Variants in MAGI2 observed in about 807,000 individuals in gnomAD.
MAGI2 encodes the protein membrane associated guanylate kinase, WW and PDZ domain containing 2, also known as membrane-associated guanylate kinase, WW and PDZ domain-containing protein 2.
MAGI2 carries 35 observed loss-of-function variants against 133.3 expected under a neutral mutation model. That is an observed-to-expected ratio of 0.26 (90% confidence interval 0.20 to 0.35). The LOEUF is 0.35. Ranked by LOEUF, MAGI2 falls within the 10% of genes least tolerant of loss-of-function variation. The pLI is 1.00. For missense variants in MAGI2, 1,636 were observed against 1,863.4 expected, an observed-to-expected ratio of 0.88 and a Z score of 2.25; for synonymous variants, 729 against 710.6, an observed-to-expected ratio of 1.03 and a Z score of -0.41.
intron 1 of MAGI2, among the ~76,000 whole-genome samples, chr7:79,038,934 T>G (rs1459458530): frequency 1.3e-5 from 2 of 152,248 alleles, no homozygotes; most frequent in Non-Finnish European, 2.9e-5. Context: ...GATTTTCATT[T>G]GCAAAGATAT....
At chr7:78,368,491 GGA>G (rs1207139432) in intron 7 of MAGI2, among the ~76,000 whole-genome samples, 1 of 152,090 alleles carries the variant, frequency 6.6e-6, no homozygotes, top group East Asian at 1.9e-4. Flanking sequence ...TCGTCTGTTT[GGA>G]GAGAGTTCTA....
intron 2 of MAGI2, among the ~76,000 whole-genome samples, chr7:78,645,656 T>C (rs944042063): frequency 6.6e-6 from 1 of 151,800 alleles, no homozygotes; most frequent in Non-Finnish European, 1.5e-5. Context: ...TGTGTGTGTG[T>C]GTGTGTGTGT....
At chr7:78,341,745 C>G (rs1462105042) in intron 9 of MAGI2, among the ~76,000 whole-genome samples, 1 of 152,184 alleles carries the variant, frequency 6.6e-6, no homozygotes, top group Non-Finnish European at 1.5e-5. Context: ...GTTGGGAAAA[C>G]TGGCTAGCCA....
chr7:78,672,472 T>A (rs2151075366), intron 2 of MAGI2, among the ~76,000 whole-genome samples: 1 of 152,282 alleles, frequency 6.6e-6, no homozygotes, highest in South Asian at 2.1e-4. Context: ...CAATACAAAA[T>A]GGACAACACA....
At chr7:78,562,842 T>G (rs1800549613) in intron 3 of MAGI2, among the ~76,000 whole-genome samples, 2 of 152,184 alleles carry the variant, frequency 1.3e-5, no homozygotes, top group African/African-American at 4.8e-5. Flanking sequence ...TTCTTGGGAT[T>G]TATGTCTCTT....
chr7:79,008,444 C>G (rs1240600337), intron 1 of MAGI2, among the ~76,000 whole-genome samples: 1 of 152,088 alleles, frequency 6.6e-6, no homozygotes, highest in Non-Finnish European at 1.5e-5. Context: ...GGTATAGTCT[C>G]AATAAGATGC....
chr7:78,090,934 G>A (rs1047539141), intron 20 of MAGI2, among the ~76,000 whole-genome samples: 4 of 152,132 alleles, frequency 2.6e-5, no homozygotes, highest in Admixed American at 1.3e-4. Flanking sequence ...TCTTATTTAT[G>A]ATAGTTATTC....
intron 21 of MAGI2, among the ~76,000 whole-genome samples, chr7:78,045,447 T>G (rs1387100854): frequency 6.6e-6 from 1 of 152,172 alleles, no homozygotes; most frequent in Non-Finnish European, 1.5e-5. Context: ...TTCATGACCT[T>G]GAGCAGCTCA....
At chr7:78,166,884 T>C (rs2526740) in intron 15 of MAGI2, among the ~76,000 whole-genome samples, 146,825 of 152,216 alleles carry the variant, frequency 0.96, 70,859 homozygotes, top group East Asian at 1. Context: ...AGCACTGGCC[T>C]TAGAGAGAAG....
intron 9 of MAGI2, among the ~76,000 whole-genome samples, chr7:78,298,004 T>TG (rs1472082946): frequency 1.3e-5 from 2 of 150,746 alleles, no homozygotes; most frequent in Non-Finnish European, 3.0e-5. Flanking sequence ...AAGAATTGTC[T>TG]GGGAAAAAAA....
At position 78,256,142 on chromosome 7, in the gene MAGI2, G is replaced by T; in HGVS notation, c.1848C>A (p.Gly616=). Residue 616 remains glycine, a synonymous_variant, in exon 10 of 22, where the codon GGC becomes GGA. Transcript: ENST00000354212. The part of the protein sequence containing the change: ...LTIVKGAQGF[G]FTIADSPTGQ... Reference sequence around the variant, plus strand: ...CTGTAGGACTGTCGGCAATAGTGAAGCCGAAGCCCTGGGCACCTTTCACAA... The same window carrying T: ...CTGTAGGACTGTCGGCAATAGTGAATCCGAAGCCCTGGGCACCTTTCACAA... 6.2e-7 allele frequency: 1 copy of T among 1,613,874 alleles called. No individual in the cohort carries two copies. Among genetic ancestry groups the T allele is most frequent in the South Asian group, 1.1e-5 (1 of 91,068 alleles).
At chr7:78,321,020 T>C (rs531636391) in intron 9 of MAGI2, among the ~76,000 whole-genome samples, 1 of 152,172 alleles carries the variant, frequency 6.6e-6, no homozygotes, top group African/African-American at 2.4e-5. Context: ...CCATTCACAA[T>C]TGCTACAAAG....
chr7:78,703,944 A>G (rs1306241379), intron 2 of MAGI2, among the ~76,000 whole-genome samples: 1 of 152,096 alleles, frequency 6.6e-6, no homozygotes, highest in East Asian at 1.9e-4. Context: ...AAAGGCTTAA[A>G]TGTAAAACCT....
chr7:79,347,468 T>C (rs1563139331), intron 1 of MAGI2, among the ~76,000 whole-genome samples: 1 of 151,866 alleles, frequency 6.6e-6, no homozygotes, highest in Non-Finnish European at 1.5e-5. Context: ...GCAATTTTTT[T>C]TTTGTCTGCA....
chr7:78,853,957 T>TTC (rs10666435), intron 2 of MAGI2, among the ~76,000 whole-genome samples: 98,634 of 148,482 alleles, frequency 0.66, 33,003 homozygotes, highest in Middle Eastern at 0.77. Context: ...GTTGATATGT[T>TTC]TCTCTCTCTC....
At chr7:79,387,560 G>C (rs1400495836) in intron 1 of MAGI2, among the ~76,000 whole-genome samples, 2 of 151,852 alleles carry the variant, frequency 1.3e-5, no homozygotes, top group Non-Finnish European at 2.9e-5. Flanking sequence ...TTATACTTCT[G>C]CAATTTTGGT....
At position 78,085,550 on chromosome 7, in the gene MAGI2, C is replaced by CCACACACACA. The variant is rs10636313; in HGVS notation, c.3568-6475_3568-6466dup. 1.5e-4 allele frequency among the ~76,000 whole-genome samples: 18 copies of CCACACACACA among 121,040 alleles called. No individual in the cohort carries two copies. In the East Asian group the frequency reaches 1.5e-3, roughly 10 times the overall value. 79.4% of individuals were successfully genotyped at this position (121,040 alleles called of 152,430 possible). On this transcript the variant is annotated intron_variant, in intron 20 of 21. Coordinates refer to ENST00000354212, the MANE Select transcript of MAGI2 (RefSeq NM_012301.4). ...AAAACAAAACAAAATAATAAAACTC[C>CCACACACACA]CACACACACACACACACACACACAC...
intron 2 of MAGI2, among the ~76,000 whole-genome samples, chr7:78,783,036 T>TA (rs1826522550): frequency 7.0e-6 from 1 of 143,318 alleles, no homozygotes; most frequent in South Asian, 2.2e-4. Context: ...TTTTTTTTTT[T>TA]ACATTTTGTA....
At chr7:78,904,271 G>A (rs1735066951) in intron 2 of MAGI2, 1 of 152,014 alleles carries the variant, frequency 6.6e-6, no homozygotes, top group African/African-American at 2.4e-5. Context: ...AAAGACAATA[G>A]AAGAAAATTT....
Sources: allele counts gnomAD v4.1 joint callset (sites outside exome capture counted in the v4.1 genomes callset), GRCh38; gene constraint gnomAD v4.1.1; transcripts MANE v1.5; gene names NCBI Gene and HGNC (gene_info 2026-07-23, HGNC 2026-07-21).